KCNIP4: variants seen among roughly 807,000 people sequenced by gnomAD.
KCNIP4 encodes Kv channel-interacting protein 4.
A neutral mutation model predicts 34.0 loss-of-function variants in KCNIP4; 12 were observed. That is an observed-to-expected ratio of 0.35 (90% CI 0.23 to 0.57). KCNIP4 has a LOEUF of 0.57. Among genes scored for constraint, KCNIP4 ranks in the 20% least tolerant of loss-of-function variants. KCNIP4 has a pLI of 0.83. For missense variants in KCNIP4, 238 were observed against 311.7 expected (o/e 0.76, Z 1.78); for synonymous variants, 124 against 102.2 (o/e 1.21, Z -1.29).
intron 3 of KCNIP4, among the ~76,000 whole-genome samples, chr4:20,775,870 C>T (rs1220474604): frequency 6.6e-6 from 1 of 152,142 alleles, no homozygotes; most frequent in Non-Finnish European, 1.5e-5. Flanking sequence ...AGACTCCCAG[C>T]TATTAGGTGT....
At chr4:20,905,509 C>CTTTCTTTTTTTTTTTTTTTTTTTT (rs71655610) in intron 1 of KCNIP4, among the ~76,000 whole-genome samples, 1 of 72,804 alleles carries the variant, frequency 1.4e-5, no homozygotes, top group Non-Finnish European at 2.7e-5. Flanking sequence ...CGTTTTCTTT[C>CTTTCTTTTTTTTTTTTTTTTTTTT]TTTTTTTTTT....
intron 1 of KCNIP4, among the ~76,000 whole-genome samples, chr4:21,401,974 C>T (rs1316918921): frequency 6.6e-6 from 1 of 152,182 alleles, no homozygotes; most frequent in East Asian, 1.9e-4. Context: ...GAAGCACACA[C>T]TTTCACATGC....
intron 1 of KCNIP4, among the ~76,000 whole-genome samples, chr4:21,726,512 C>T (rs566309691): frequency 7.2e-5 from 11 of 152,178 alleles, no homozygotes; most frequent in Middle Eastern, 3.4e-3. Flanking sequence ...GACAGAAATT[C>T]GAAACCTAGG....
At chr4:21,421,207 G>A (rs1270181087) in intron 1 of KCNIP4, among the ~76,000 whole-genome samples, 2 of 152,128 alleles carry the variant, frequency 1.3e-5, no homozygotes, top group East Asian at 3.9e-4. Flanking sequence ...ATGGAAAACA[G>A]TATGAAGAAT....
At chr4:21,158,303 T>C (rs1753304586) in intron 1 of KCNIP4, among the ~76,000 whole-genome samples, 1 of 151,966 alleles carries the variant, frequency 6.6e-6, no homozygotes, top group South Asian at 2.1e-4. Context: ...AAATATTCTA[T>C]GAGCCAGCAT....
rs141763390 is a variant in KCNIP4 at position 21,004,277 on chromosome 4, G to T, written c.62-121568C>A. ...GGAAGACTCAAAAGATTTTTTGAGA[G>T]GTAAAATAACCACAACTCAGTGCTC... On this transcript the variant is annotated intron_variant, in intron 1 of 8. Coordinates refer to ENST00000382152, the MANE Select transcript of KCNIP4 (RefSeq NM_025221.6). 3.5e-4 allele frequency among the ~76,000 whole-genome samples: 54 copies of T among 152,306 alleles called. No individual in the cohort carries two copies. The South Asian group carries it at 4.6e-3, about 13-fold the overall frequency.
At chr4:21,617,760 TCTC>T (rs1192470305) in intron 1 of KCNIP4, among the ~76,000 whole-genome samples, 2 of 152,132 alleles carry the variant, frequency 1.3e-5, no homozygotes, top group African/African-American at 4.8e-5. Flanking sequence ...CAGAAATTAA[TCTC>T]CTCCTTTTTA....
chr4:20,812,467 T>G (rs2149434780), intron 3 of KCNIP4, among the ~76,000 whole-genome samples: 1 of 152,264 alleles, frequency 6.6e-6, no homozygotes, highest in Admixed American at 6.5e-5. Flanking sequence ...AGTTAGACAC[T>G]GGGATATGAG....
chr4:21,854,530 A>C (rs1317865596), intron 1 of KCNIP4, among the ~76,000 whole-genome samples: 1 of 152,054 alleles, frequency 6.6e-6, no homozygotes, highest in Admixed American at 6.5e-5. Flanking sequence ...CCCAGTGTAC[A>C]GGTGAAGAAT....
chr4:21,033,773 T>G (rs1741206015), intron 1 of KCNIP4, among the ~76,000 whole-genome samples: 1 of 152,134 alleles, frequency 6.6e-6, no homozygotes, highest in African/African-American at 2.4e-5. Flanking sequence ...AATTTAAATA[T>G]TGGGCCAATA....
chr4:20,981,655 C>T (rs79814827), intron 1 of KCNIP4, among the ~76,000 whole-genome samples: 1,523 of 152,242 alleles, frequency 0.01, 28 homozygotes, highest in African/African-American at 0.034. Context: ...TTGGCCCAAA[C>T]TAGTATTTCC....
chr4:21,026,351 T>G (rs573063869), intron 1 of KCNIP4, among the ~76,000 whole-genome samples: 1 of 152,260 alleles, frequency 6.6e-6, no homozygotes, highest in Non-Finnish European at 1.5e-5. Flanking sequence ...GGCTTGAGAT[T>G]AAAGGGTCCA....
At chr4:21,582,732 C>T (rs898917447) in intron 1 of KCNIP4, among the ~76,000 whole-genome samples, 10 of 151,668 alleles carry the variant, frequency 6.6e-5, no homozygotes, top group Non-Finnish European at 1.3e-4. Flanking sequence ...TCCATGAATC[C>T]AACTTATAAA....
At chr4:21,284,480 T>G (rs530041788) in intron 1 of KCNIP4, among the ~76,000 whole-genome samples, 1 of 152,172 alleles carries the variant, frequency 6.6e-6, no homozygotes, top group South Asian at 2.1e-4. Flanking sequence ...TCAAATGCCT[T>G]GGATGTAGAG....
At chr4:21,228,150 T>C (rs1223630327) in intron 1 of KCNIP4, among the ~76,000 whole-genome samples, 1 of 152,132 alleles carries the variant, frequency 6.6e-6, no homozygotes, top group South Asian at 2.1e-4. Flanking sequence ...CCAAATCTCA[T>C]CTTGAATTTT....
At chr4:21,932,625 G>A (rs1939754998) in intron 1 of KCNIP4, among the ~76,000 whole-genome samples, 1 of 151,918 alleles carries the variant, frequency 6.6e-6, no homozygotes, top group Admixed American at 6.6e-5. Flanking sequence ...CATTTTACTG[G>A]TGTTCTGACA....
Position 21,875,327 on chromosome 4 carries a change from C to T in KCNIP4, c.61+73244G>A, listed in dbSNP as rs540439091. Among the ~76,000 whole-genome samples, 196 of 152,264 alleles carry T rather than the reference C, an allele frequency of 1.3e-3. 2 individuals are homozygous for T. The highest frequency in any genetic ancestry group is 3.4e-3 in the Middle Eastern group (1 of 294). ...GCTGATTCTTCATTAGACACAGAGT[C>T]ACCAGCAGCCAATAGAGACAGGATT... On this transcript the variant is annotated intron_variant, in intron 1 of 8. Coordinates refer to ENST00000382152, the MANE Select transcript of KCNIP4 (RefSeq NM_025221.6).
At chr4:20,924,039 C>A (rs777631018) in intron 1 of KCNIP4, among the ~76,000 whole-genome samples, 1 of 152,034 alleles carries the variant, frequency 6.6e-6, no homozygotes, top group African/African-American at 2.4e-5. Flanking sequence ...ATTTTTTTCT[C>A]ATTTTAGATT....
chr4:21,165,760 G>A (rs1753586597), intron 1 of KCNIP4, among the ~76,000 whole-genome samples: 1 of 152,192 alleles, frequency 6.6e-6, no homozygotes, highest in Admixed American at 6.5e-5. Flanking sequence ...GCTAATATGG[G>A]GGAGGGAGTG....
Sources: allele counts gnomAD v4.1 joint callset (sites outside exome capture counted in the v4.1 genomes callset), GRCh38; gene constraint gnomAD v4.1.1; transcripts MANE v1.5; gene names NCBI Gene and HGNC (gene_info 2026-07-23, HGNC 2026-07-21).